SEL1L3: variants seen among roughly 807,000 people sequenced by gnomAD.
SEL1L3 encodes SEL1L family member 3, also known as protein sel-1 homolog 3.
A neutral mutation model predicts 142.8 loss-of-function variants in SEL1L3; 76 were observed. The ratio of observed to expected loss-of-function variants is 0.53; its 90% CI spans 0.44 to 0.64. SEL1L3 has a LOEUF of 0.64. SEL1L3 is among the 30% of genes least tolerant of loss of function. The pLI, the probability that SEL1L3 is intolerant of heterozygous loss-of-function variation, is 0.00. For synonymous variants in SEL1L3, 504 were observed against 519.6 expected (o/e 0.97, Z 0.41); for missense variants, 1,262 against 1,381.7 (o/e 0.91, Z 1.37).
chr4:25,850,034 T>C (rs749012634), intron 1 of SEL1L3, among the ~76,000 whole-genome samples: 2 of 152,098 alleles, frequency 1.3e-5, no homozygotes, highest in Non-Finnish European at 2.9e-5. Flanking sequence ...GGAAAGGCAC[T>C]GCAAGGGGTG....
At chr4:25,813,771 A>G (rs1714186597) in intron 9 of SEL1L3, among the ~76,000 whole-genome samples, 3 of 152,208 alleles carry the variant, frequency 2.0e-5, no homozygotes, top group Admixed American at 6.5e-5. Flanking sequence ...AAAAGTGTAA[A>G]TATTTGGCAA....
chr4:25,833,688 G>A (rs1222439022), intron 3 of SEL1L3, 119 bp from the exon 4 acceptor site: 31 of 882,638 alleles, frequency 3.5e-5, no homozygotes, highest in East Asian at 8.6e-5. Flanking sequence ...ATTTGCCTTC[G>A]CGTTCATCAT....
intron 11 of SEL1L3, among the ~76,000 whole-genome samples, chr4:25,797,041 T>C (rs971417615): frequency 7.4e-6 from 1 of 134,974 alleles, no homozygotes; most frequent in African/African-American, 2.8e-5. Flanking sequence ...AATAGACAGG[T>C]AGTGGAGAGA....
intron 1 of SEL1L3, among the ~76,000 whole-genome samples, chr4:25,849,833 G>A (rs557976858): frequency 3.9e-5 from 6 of 152,282 alleles, no homozygotes; most frequent in South Asian, 2.1e-4. Context: ...TCAAGGAATC[G>A]TGTCTATAAA....
chr4:25,736,791 C>G, the SEL1L3 span, among the ~76,000 whole-genome samples: 1 of 151,996 alleles, frequency 6.6e-6, no homozygotes, highest in African/African-American at 2.4e-5. Flanking sequence ...TCATTTCTAT[C>G]AAGTTTTGCT....
chr4:25,825,829 C>T (rs1715062615), intron 6 of SEL1L3, among the ~76,000 whole-genome samples: 1 of 151,970 alleles, frequency 6.6e-6, no homozygotes, highest in Admixed American at 6.6e-5. Flanking sequence ...CATGCGCCAC[C>T]ACGCCCAGCT....
chr4:25,847,290 C>A lies in SEL1L3; in HGVS notation c.733+4G>T. ...TTAGGTTCCTAGCAAGATAGATGAC[C>A]TACCATTTTCCAGAGGACACTGTGG... On this transcript the variant is annotated splice_donor_region_variant and intron_variant, in intron 2 of 23. Coordinates refer to ENST00000399878, the MANE Select transcript of SEL1L3 (RefSeq NM_015187.5). 9 of 1,604,472 alleles carry A rather than the reference C, an allele frequency of 5.6e-6. No homozygotes were observed. The highest frequency in any genetic ancestry group is 7.7e-6 in the Non-Finnish European group (9 of 1,174,784).
At position 25,830,166 on chromosome 4, in the gene SEL1L3, G is replaced by C; in HGVS notation, c.1099-10C>G. On this transcript the variant is annotated splice_polypyrimidine_tract_variant and intron_variant, in intron 5 of 23. Transcript: ENST00000399878. ...TAGTGGTTACTACTATCTATGATGG[G>C]AGGGATACACAAGAATCAGTTATGC... The C allele has an allele frequency of 1.9e-6, 3 of 1,586,024 alleles. No homozygotes were observed. The highest frequency in any genetic ancestry group is 2.6e-6 in the Non-Finnish European group (3 of 1,154,950).
Position 25,767,516 on chromosome 4 carries a change from T to C in SEL1L3, c.2845+9A>G, listed in dbSNP as rs1284962695. 5 of 1,499,298 alleles carry C rather than the reference T, an allele frequency of 3.3e-6. No homozygotes were observed. The highest frequency in any genetic ancestry group is 1.7e-4 in the Middle Eastern group (1 of 5,902). The allele number at this position is 1,499,298 out of a possible 1,614,324, so 92.9% of individuals were successfully genotyped here. ...ATGCTTCAATTTTGCACCGTTTTTC[T>C]ATACATACCAAAGGAAGGAGCATCG... On this transcript the variant is annotated intron_variant, in intron 19 of 23. Transcript: ENST00000399878.
rs764744440 is a variant in SEL1L3 at position 25,802,316 on chromosome 4, T to C, written c.1923A>G (p.Thr641=). 5 of 1,613,536 alleles carry C rather than the reference T, an allele frequency of 3.1e-6. No homozygotes were observed. The highest frequency in any genetic ancestry group is 1.3e-5 in the African/African-American group (1 of 74,840). ...CTTGCAGTGTGTGCTGGTCAAGGGGTGTCTTGGTGGCAATGTTGCTGTAGT... is the reference window on the plus strand; with the variant it reads ...CTTGCAGTGTGTGCTGGTCAAGGGGCGTCTTGGTGGCAATGTTGCTGTAGT... ...YAYYSNIATK[T]PLDQHTLQGD... The change falls in exon 11 of 24, where the codon ACA becomes ACG. Residue 641 remains threonine, a synonymous_variant. Coordinates refer to ENST00000399878, the MANE Select transcript of SEL1L3 (RefSeq NM_015187.5).
rs1242023482 is a variant in SEL1L3 at position 25,804,570 on chromosome 4, C to T, written c.1747G>A (p.Gly583Arg). ...SYYLAVFYET[G>R]LNVPRDQLQG... The stretch of plus-strand genomic sequence containing the variant: ...AGCTGATCCCGAGGAACATTTAATC[C>T]AGTCTCATAAAAGACTGCAAGGTAG... Residue 583 changes from glycine (G) to arginine (R), a missense_variant, in exon 10 of 24, where the codon GGA becomes AGA. Gly to Arg is a moderately radical substitution (Grantham distance 125, BLOSUM62 -2). Transcript: ENST00000399878. The T allele has an allele frequency of 6.2e-7, 1 of 1,612,890 alleles. No homozygotes were observed. Among genetic ancestry groups the T allele is most frequent in the Non-Finnish European group, 8.5e-7 (1 of 1,179,398 alleles).
rs890855440 is a variant in SEL1L3 at position 25,804,831 on chromosome 4, A to G, written c.1565-79T>C. ...GGCTTTAGAAAAAGAGGAAAAGCCA[A>G]TTAAATCACCTGAGTTATTGATATG... On this transcript the variant is annotated intron_variant, in intron 9 of 23. Transcript: ENST00000399878. 8 of 1,037,792 alleles carry G rather than the reference A, an allele frequency of 7.7e-6. No homozygotes were observed. The African/African-American group carries it at 1.3e-4, about 16-fold the overall frequency. The allele number at this position is 1,037,792 out of a possible 1,614,324, so 64.3% of individuals were successfully genotyped here.
intron 23 of SEL1L3, 100 bp from the exon 24 acceptor site, chr4:25,748,664 C>G (rs1403771552): frequency 3.1e-5 from 40 of 1,288,828 alleles, no homozygotes; most frequent in Non-Finnish European, 4.3e-5. Context: ...AGAGATGCAT[C>G]TAGTCTAATG....
the SEL1L3 span, chr4:25,718,113 G>T: frequency 6.6e-6 from 1 of 152,110 alleles, no homozygotes; most frequent in Admixed American, 6.5e-5. Context: ...AGGGTTTAAG[G>T]ATAATAGGAA....
At chr4:25,722,249 C>T in the SEL1L3 span, among the ~76,000 whole-genome samples, 1 of 152,262 alleles carries the variant, frequency 6.6e-6, no homozygotes, top group Middle Eastern at 3.4e-3. Context: ...CATTTAGGTG[C>T]TATCTCTGAT....
Position 25,803,928 on chromosome 4 carries a change from G to A in SEL1L3, c.1776+613C>T, listed in dbSNP as rs545953181. 1.4e-4 allele frequency among the ~76,000 whole-genome samples: 22 copies of A among 152,126 alleles called. No individual in the cohort carries two copies. In the South Asian group the frequency reaches 3.9e-3, roughly 27 times the overall value. ...CCTCAGCTTGCAGACGGCAGACTGT[G>A]GGACCTCTCAGCCTCCATAATTGCA... On this transcript the variant is annotated intron_variant, in intron 10 of 23. Coordinates refer to ENST00000399878, the MANE Select transcript of SEL1L3 (RefSeq NM_015187.5).
the SEL1L3 span, among the ~76,000 whole-genome samples, chr4:25,733,733 G>C: frequency 6.6e-6 from 1 of 151,770 alleles, no homozygotes; most frequent in African/African-American, 2.4e-5. Flanking sequence ...GACTGGTCTC[G>C]AACTCCTGAC....
intron 20 of SEL1L3, among the ~76,000 whole-genome samples, chr4:25,764,133 C>T (rs1036487131): frequency 2.0e-5 from 3 of 152,094 alleles, no homozygotes; most frequent in African/African-American, 7.2e-5. Flanking sequence ...TCAATCTATT[C>T]AAGAGAAAAC....
rs754651652 is a variant in SEL1L3 at position 25,847,806 on chromosome 4, G to A, written c.221C>T (p.Ala74Val). The change falls in exon 2 of 24, where the codon GCT becomes GTT. Residue 74 changes from alanine (A) to valine (V), a missense_variant. Around this residue, in one of 3 missense-constraint regions of SEL1L3, gnomAD observed 689 missense variants for 692.8 expected, o/e 0.99. Transcript: ENST00000399878. Reference protein sequence around the residue: ...TSLTTSVIPKAEQSVAYKDFI... With the variant: ...TSLTTSVIPKVEQSVAYKDFI... ...GTCTTTGTAAGCCACGCTCTGCTCA[G>A]CTTTGGGTATCACTGATGTCGTCAG... 1 of 1,610,736 alleles carries A rather than the reference G, an allele frequency of 6.2e-7. No homozygotes were observed. The highest frequency in any genetic ancestry group is 8.5e-7 in the Non-Finnish European group (1 of 1,178,552).
Sources: allele counts gnomAD v4.1 joint callset (sites outside exome capture counted in the v4.1 genomes callset), GRCh38; gene constraint gnomAD v4.1.1; regional missense constraint gnomAD v4.1.1; transcripts MANE v1.5; gene names NCBI Gene and HGNC (gene_info 2026-07-23, HGNC 2026-07-21).